Variants in DST observed in about 807,000 individuals in gnomAD.
DST encodes dystonin, also known as bullous pemphigoid antigen.
DST carries 253 observed loss-of-function variants against 875.2 expected under a neutral mutation model. That is an observed-to-expected ratio of 0.29 (90% CI 0.26 to 0.32). DST has a LOEUF of 0.32. Ranked by LOEUF, DST falls within the 10% of genes least tolerant of loss-of-function variation. The pLI is 1.00. For missense variants in DST, 8,287 were observed against 9,111.6 expected, an observed-to-expected ratio of 0.91 and a Z score of 3.68; for synonymous variants, 3,124 against 3,197.1, an observed-to-expected ratio of 0.98 and a Z score of 0.77.
chr6:56,458,905 G>C lies in DST; in HGVS notation c.*100C>G. On this transcript the variant is annotated 3_prime_UTR_variant, in exon 104 of 104. Coordinates refer to ENST00000680361, the MANE Select transcript of DST (RefSeq NM_001374736.1). ...AGGCCATCTGCAGAATTTTAAACTC[G>C]CCTCTTGCAATATTTCACAAGAATT... 1 of 1,263,910 alleles carries C rather than the reference G, an allele frequency of 7.9e-7. No individual in the cohort carries two copies. Among genetic ancestry groups the C allele is most frequent in the East Asian group, 2.5e-5 (1 of 40,030 alleles). The allele number at this position is 1,263,910 out of a possible 1,614,324, so 78.3% of individuals were successfully genotyped here. A position where few individuals can be genotyped will look rare whatever the true frequency, so the allele number is the denominator to read the frequency against.
chr6:56,726,906 A>AT (rs1225996795), intron 5 of DST, among the ~76,000 whole-genome samples: 2 of 152,202 alleles, frequency 1.3e-5, no homozygotes, highest in African/African-American at 2.4e-5. Context: ...ATTGTTTCTT[A>AT]TAACAGATAT....
intron 36 of DST, chr6:56,620,154 T>C (rs1381865621): frequency 1.2e-6 from 2 of 1,613,670 alleles, no homozygotes; most frequent in Non-Finnish European, 1.7e-6. Context: ...TCTTTTTCCA[T>C]CTGCTTTATC....
chr6:56,875,656 G>A (rs1263858052), intron 3 of DST, among the ~76,000 whole-genome samples: 6 of 152,132 alleles, frequency 3.9e-5, no homozygotes, highest in African/African-American at 1.4e-4. Context: ...GTGTCTAATG[G>A]ACACACCATC....
chr6:56,622,074 TATTTAAATAC>T (rs777968404), intron 36 of DST, among the ~76,000 whole-genome samples: 6 of 152,240 alleles, frequency 3.9e-5, no homozygotes, highest in Non-Finnish European at 8.8e-5. Context: ...GCATTTTATC[TATTTAAATAC>T]TAAGTTTTCA....
intron 4 of DST, among the ~76,000 whole-genome samples, chr6:56,822,155 G>A (rs1019237192): frequency 6.6e-6 from 1 of 152,132 alleles, no homozygotes; most frequent in Non-Finnish European, 1.5e-5. Context: ...TGACAGAGAC[G>A]GGATTTATTC....
chr6:56,661,975 C>G (rs1381281434), intron 10 of DST, among the ~76,000 whole-genome samples: 1 of 152,086 alleles, frequency 6.6e-6, no homozygotes, highest in African/African-American at 2.4e-5. Context: ...TACATGCATG[C>G]TTAGACTAAC....
intron 4 of DST, among the ~76,000 whole-genome samples, chr6:56,831,591 G>A (rs771391612): frequency 6.6e-6 from 1 of 151,990 alleles, no homozygotes; most frequent in Non-Finnish European, 1.5e-5. Context: ...GAGTGTAGCT[G>A]GTCCACTTTC....
At chr6:56,706,309 G>A (rs1208821604) in intron 5 of DST, among the ~76,000 whole-genome samples, 5 of 140,380 alleles carry the variant, frequency 3.6e-5, no homozygotes, top group Admixed American at 2.1e-4. Context: ...GCGAGACTCC[G>A]TCTCAAAAAA....
At chr6:56,556,072 A>G (rs1168625976) in intron 59 of DST, among the ~76,000 whole-genome samples, 1 of 152,210 alleles carries the variant, frequency 6.6e-6, no homozygotes, top group Non-Finnish European at 1.5e-5. Context: ...AAGGAAAAAT[A>G]TGGACAAAAT....
intron 5 of DST, among the ~76,000 whole-genome samples, chr6:56,707,513 A>G (rs1008177568): frequency 1.3e-5 from 2 of 152,244 alleles, no homozygotes; most frequent in East Asian, 1.9e-4. Flanking sequence ...ACACAGAAGG[A>G]CAGTAGAATC....
At position 56,536,759 on chromosome 6, in the gene DST, G is replaced by A. The variant is rs2097010501; in HGVS notation, c.16770+20C>T. 1 of 1,511,846 alleles carries A rather than the reference G, an allele frequency of 6.6e-7. No individual in the cohort carries two copies. Among genetic ancestry groups the A allele is most frequent in the African/African-American group, 1.4e-5 (1 of 71,798 alleles). The allele number at this position is 1,511,846 out of a possible 1,614,324, so 93.7% of individuals were successfully genotyped here. ...GAATAATAATCAGCAAAATAGCAAT[G>A]AAGGGGGTGAGAAAATTACCTTCTT... On this transcript the variant is annotated intron_variant, in intron 62 of 103. Transcript: ENST00000680361.
chr6:56,891,127 G>A (rs1244100637), intron 3 of DST, among the ~76,000 whole-genome samples: 1 of 152,204 alleles, frequency 6.6e-6, no homozygotes, highest in East Asian at 1.9e-4. Context: ...ATTAAAAGCA[G>A]GGAAATGTCG....
chr6:56,464,945 A>T (rs1215189141), intron 99 of DST, among the ~76,000 whole-genome samples, 189 bp from the exon 100 acceptor site: 1 of 152,214 alleles, frequency 6.6e-6, no homozygotes, highest in African/African-American at 2.4e-5. Context: ...TATTTGGAAG[A>T]CTGTGCCACA....
intron 5 of DST, among the ~76,000 whole-genome samples, chr6:56,713,976 G>A (rs1456998805): frequency 1.3e-5 from 2 of 152,092 alleles, no homozygotes; most frequent in African/African-American, 4.8e-5. Flanking sequence ...AAATAACCCA[G>A]GATTATGATC....
At chr6:56,645,080 ATGTAAC>A (rs2098934452) in intron 15 of DST, among the ~76,000 whole-genome samples, 3 of 152,206 alleles carry the variant, frequency 2.0e-5, no homozygotes, top group Non-Finnish European at 2.9e-5. Flanking sequence ...CTCCAGTCAT[ATGTAAC>A]TGTGAGTCAA....
chr6:56,813,240 G>C (rs1471460392), intron 4 of DST, among the ~76,000 whole-genome samples: 3 of 111,708 alleles, frequency 2.7e-5, no homozygotes, highest in Admixed American at 9.9e-5. Flanking sequence ...GTTGTGGGGT[G>C]GGGGGAGGGG....
rs546232683 is a variant in DST, at chr6:56,865,089, G to T, written c.418-13485C>A. ...CTCCTAGAAGTAGATAAGCTGCCTA[G>T]ATCACAATTTTTCCTGGAGCCATTT... On this transcript the variant is annotated intron_variant, in intron 3 of 103. Coordinates refer to ENST00000680361, the MANE Select transcript of DST (RefSeq NM_001374736.1). 2.0e-5 allele frequency among the ~76,000 whole-genome samples: 3 copies of T among 152,254 alleles called. No homozygotes were observed. The South Asian group carries it at 6.2e-4, about 32-fold the overall frequency.
intron 4 of DST, among the ~76,000 whole-genome samples, chr6:56,755,863 T>C (rs980840566): frequency 2.6e-5 from 4 of 152,232 alleles, no homozygotes; most frequent in Non-Finnish European, 5.9e-5. Flanking sequence ...TTGCTAGCCA[T>C]ACTATTGCCT....
chr6:56,780,647 T>C (rs1160465576), intron 4 of DST, among the ~76,000 whole-genome samples: 10 of 151,952 alleles, frequency 6.6e-5, no homozygotes, highest in Admixed American at 4.6e-4. Flanking sequence ...GATGAGTAGG[T>C]TGCAAAAATT....
Sources: gnomAD v4.1 joint callset for allele counts (sites outside exome capture counted in the v4.1 genomes callset) on GRCh38, gnomAD v4.1.1 for gene constraint, MANE v1.5 for transcripts, NCBI Gene and HGNC (gene_info 2026-07-23, HGNC 2026-07-21) for gene names.